The following PRKG1 variants were observed in gnomAD, a reference collection of about 807,000 sequenced individuals.
PRKG1 encodes protein kinase cGMP-dependent 1.
PRKG1 carries 35 observed loss-of-function variants against 88.1 expected under a neutral mutation model. The ratio of observed to expected loss-of-function variants is 0.40; its 90% CI spans 0.30 to 0.53. PRKG1 has a LOEUF of 0.53. PRKG1 is among the 20% of genes least tolerant of loss of function. The pLI is 0.59. For missense variants in PRKG1, 540 were observed against 839.8 expected, an observed-to-expected ratio of 0.64 and a Z score of 4.41; for synonymous variants, 303 against 292.5, an observed-to-expected ratio of 1.04 and a Z score of -0.37.
intron 12 of PRKG1, among the ~76,000 whole-genome samples, chr10:52,280,187 ATTG>A (rs1483843938): frequency 6.6e-6 from 1 of 152,150 alleles, no homozygotes; most frequent in Non-Finnish European, 1.5e-5. Flanking sequence ...GGAAATAGAT[ATTG>A]TTTGTTTTGG....
intron 3 of PRKG1, among the ~76,000 whole-genome samples, chr10:51,524,268 A>C (rs1841818347): frequency 6.6e-6 from 1 of 152,188 alleles, no homozygotes; most frequent in Non-Finnish European, 1.5e-5. Flanking sequence ...TGGCAATCTG[A>C]GAATGAACCA....
At chr10:51,523,978 C>T (rs1361021556) in intron 3 of PRKG1, among the ~76,000 whole-genome samples, 1 of 152,138 alleles carries the variant, frequency 6.6e-6, no homozygotes, top group East Asian at 1.9e-4. Context: ...GGGGGTGCAT[C>T]CTTTATGAAT....
chr10:51,334,154 C>CTCTCTCTT (rs1841810978), intron 2 of PRKG1, among the ~76,000 whole-genome samples: 1 of 6,452 alleles, frequency 1.5e-4, no homozygotes, highest in South Asian at 5.6e-3. Context: ...CTCTCTCTTT[C>CTCTCTCTT]TCTCTCTCTC....
At chr10:51,192,701 T>G (rs1306086575) in intron 2 of PRKG1, among the ~76,000 whole-genome samples, 2 of 152,102 alleles carry the variant, frequency 1.3e-5, no homozygotes, top group South Asian at 4.1e-4. Flanking sequence ...CAAATTAACT[T>G]CTAAATTAAT....
chr10:51,280,452 T>A lies in PRKG1; in HGVS notation c.478+127122T>A, dbSNP rs1039183067. Among the ~76,000 whole-genome samples the A allele has an allele frequency of 5.6e-4, 86 of 152,218 alleles. 2 individuals carry two copies. The highest frequency in any genetic ancestry group is 1.8e-4 in the Non-Finnish European group (12 of 68,048). ...GTTGGGGAAGTTCTCCTGGATAATA[T>A]CCTGCAGACTGTTTTCCAACTTGGT... On this transcript the variant is annotated intron_variant, in intron 2 of 17. Transcript: ENST00000373980.
intron 3 of PRKG1, among the ~76,000 whole-genome samples, chr10:51,724,869 C>CTTTT (rs556620255): frequency 7.0e-4 from 78 of 110,738 alleles, no homozygotes; most frequent in Non-Finnish European, 9.3e-4. Flanking sequence ...AATTTTTGTA[C>CTTTT]TTTTTTTTTT....
chr10:51,723,428 C>T (rs2132455701), intron 3 of PRKG1, among the ~76,000 whole-genome samples: 1 of 152,192 alleles, frequency 6.6e-6, no homozygotes, highest in Admixed American at 6.5e-5. Flanking sequence ...ACAACAAGAG[C>T]ACATGAACAC....
At chr10:51,418,514 A>G (rs541623224) in intron 2 of PRKG1, among the ~76,000 whole-genome samples, 2 of 152,292 alleles carry the variant, frequency 1.3e-5, no homozygotes, top group Non-Finnish European at 2.9e-5. Context: ...GGACCTAACT[A>G]CAGATATATC....
intron 2 of PRKG1, among the ~76,000 whole-genome samples, chr10:51,260,431 A>G (rs145603601): frequency 1.8e-4 from 27 of 152,236 alleles, no homozygotes; most frequent in African/African-American, 6.5e-4. Context: ...TTGTGCTACA[A>G]TTTAAAAAAA....
chr10:51,073,178 G>T (rs1230446154), upstream of PRKG1, among the ~76,000 whole-genome samples: 1 of 152,176 alleles, frequency 6.6e-6, no homozygotes, highest in Admixed American at 6.5e-5. Flanking sequence ...GTAACACTTG[G>T]ATAGAAAGGA....
intron 3 of PRKG1, chr10:51,695,820 A>T (rs577003757): frequency 6.6e-6 from 1 of 152,222 alleles, no homozygotes; most frequent in Admixed American, 6.5e-5. Flanking sequence ...AAAATTTTGC[A>T]AAGGGAAGAT....
intron 3 of PRKG1, among the ~76,000 whole-genome samples, chr10:51,492,080 T>A (rs1840720858): frequency 6.6e-6 from 1 of 152,118 alleles, no homozygotes; most frequent in South Asian, 2.1e-4. Context: ...GGTCAATTTA[T>A]CTCTGTCCTC....
chr10:52,250,188 A>G (rs1156587023), intron 9 of PRKG1, among the ~76,000 whole-genome samples: 2 of 152,184 alleles, frequency 1.3e-5, no homozygotes, highest in East Asian at 3.9e-4. Flanking sequence ...TTGAGTGTGT[A>G]GTTAATGACA....
intron 5 of PRKG1, among the ~76,000 whole-genome samples, chr10:51,963,714 C>G (rs559656237): frequency 9.2e-4 from 140 of 152,218 alleles, no homozygotes; most frequent in African/African-American, 3.3e-3. Flanking sequence ...TCCCCACATG[C>G]TGGGATTACA....
intron 9 of PRKG1, among the ~76,000 whole-genome samples, chr10:52,166,440 T>C (rs1229824683): frequency 9.7e-5 from 14 of 144,206 alleles, no homozygotes; most frequent in African/African-American, 3.3e-4. Context: ...ATTTTTTTTT[T>C]TTTTTTTTTT....
intron 3 of PRKG1, among the ~76,000 whole-genome samples, chr10:51,513,986 G>T (rs10997882): frequency 0.64 from 86,116 of 134,052 alleles, 28,683 homozygotes; most frequent in East Asian, 0.81. Flanking sequence ...AGGCAAGAAA[G>T]AACCAAGATC....
chr10:51,359,500 ACAGT>A (rs1323064141), intron 2 of PRKG1, among the ~76,000 whole-genome samples: 2 of 151,748 alleles, frequency 1.3e-5, no homozygotes, highest in Admixed American at 6.6e-5. Flanking sequence ...ATTATTATTA[ACAGT>A]CATATATGTA....
intron 3 of PRKG1, among the ~76,000 whole-genome samples, chr10:51,792,241 T>C (rs926125715): frequency 6.6e-6 from 1 of 152,166 alleles, no homozygotes; most frequent in Non-Finnish European, 1.5e-5. Context: ...ATCTGTGGGC[T>C]TCTTGACTCC....
chr10:52,166,821 A>ATATATATATG, intron 9 of PRKG1, among the ~76,000 whole-genome samples: 1 of 2,430 alleles, frequency 4.1e-4, no homozygotes, highest in Non-Finnish European at 2.9e-3. Context: ...ATATATATGT[A>ATATATATATG]TATATATGTA....
Sources: allele counts gnomAD v4.1 joint callset (sites outside exome capture counted in the v4.1 genomes callset), GRCh38; gene constraint gnomAD v4.1.1; transcripts MANE v1.5; gene names NCBI Gene and HGNC (gene_info 2026-07-23, HGNC 2026-07-21).